The following TKFC variants were observed in gnomAD, a reference collection of about 807,000 sequenced individuals.
TKFC encodes the protein triokinase/FMN cyclase.
A neutral mutation model predicts 61.0 loss-of-function variants in TKFC; 46 were observed. The observed-to-expected ratio is 0.75, with a 90% CI of 0.60 to 0.96. The LOEUF (loss-of-function observed/expected upper bound fraction) is 0.96, where lower values mean the gene tolerates loss of function less well. TKFC is among the 50% of genes least tolerant of loss of function. TKFC has a pLI of 0.00. For missense variants in TKFC, 715 were observed against 777.5 expected (o/e 0.92, Z 0.96); for synonymous variants, 314 against 330.1 (o/e 0.95, Z 0.53).
rs141905816 is a variant in TKFC at position 61,339,253 on chromosome 11, G to A, written c.305-1G>A. On this transcript the variant is annotated splice_acceptor_variant, in intron 4 of 17. Transcript: ENST00000394900. LOFTEE classifies it high-confidence loss of function. ...CTGAGCCCTTCCGGCTGCTCCCGCA[G>A]TGGGGACGCTCCTTATCGTGAAGAA... 4.3e-6 allele frequency: 7 copies of A among 1,612,482 alleles called. No individual in the cohort carries two copies. Among genetic ancestry groups the A allele is most frequent in the East Asian group, 4.5e-5 (2 of 44,842 alleles).
chr11:61,349,341 G>A, downstream of TKFC: 2 of 553,002 alleles, frequency 3.6e-6, no homozygotes, highest in Non-Finnish European at 6.6e-6. Flanking sequence ...CAGGGCTGCT[G>A]CACACTGGAC....
chr11:61,352,720 G>A (rs761586478), downstream of TKFC: 617 of 1,016,996 alleles, frequency 6.1e-4, 3 homozygotes, highest in Non-Finnish European at 7.5e-4. Context: ...CAATGATGTA[G>A]GGTGGTTGAC....
Position 61,342,801 on chromosome 11 carries a change from C to T in TKFC, c.822C>T (p.Phe274=). The change falls in exon 10 of 18, where the codon TTC becomes TTT. Residue 274 remains phenylalanine, a synonymous_variant. Coordinates refer to ENST00000394900, the MANE Select transcript of TKFC (RefSeq NM_015533.4). ...MMVNNLGGLS[F]LELGIIADAT... ...TCAACAACCTGGGTGGCCTGTCATTCCTGGAACTGGGCATCATAGCCGACG... is the reference window on the plus strand; with the variant it reads ...TCAACAACCTGGGTGGCCTGTCATTTCTGGAACTGGGCATCATAGCCGACG... 1 of 1,614,006 alleles carries T rather than the reference C, an allele frequency of 6.2e-7. No homozygotes were observed. The highest frequency in any genetic ancestry group is 2.2e-5 in the East Asian group (1 of 44,874).
chr11:61,347,040 A>C lies in TKFC; in HGVS notation c.*537A>C, dbSNP rs1290025654. The C allele has an allele frequency of 3.0e-6, 3 of 985,844 alleles. No individual in the cohort carries two copies. Among genetic ancestry groups the C allele is most frequent in the Non-Finnish European group, 3.6e-6 (3 of 830,432 alleles). The allele number at this position is 985,844 out of a possible 1,614,324, so 61.1% of individuals were successfully genotyped here. On this transcript the variant is annotated 3_prime_UTR_variant, in exon 18 of 18. Coordinates refer to ENST00000394900, the MANE Select transcript of TKFC (RefSeq NM_015533.4). ...GCAGATCTTTATTACCTGAGCCCCT[A>C]AGGCAGTGTCTCCTCAGCTGGGCTG...
Sources: gnomAD v4.1 joint callset for allele counts on GRCh38, gnomAD v4.1.1 for gene constraint, MANE v1.5 for transcripts, NCBI Gene and HGNC (gene_info 2026-07-23, HGNC 2026-07-21) for gene names.